WDR72: variants seen among roughly 807,000 people sequenced by gnomAD.
WDR72 encodes the protein WD repeat-containing protein 72.
A neutral mutation model predicts 124.2 loss-of-function variants in WDR72; 120 were observed. That is an observed-to-expected ratio of 0.97 (90% CI 0.83 to 1.12). The LOEUF (loss-of-function observed/expected upper bound fraction) is 1.12, where lower values mean the gene tolerates loss of function less well. Among genes scored for constraint, WDR72 ranks in the 50% most tolerant of loss-of-function variants. WDR72 has a pLI of 0.00. For synonymous variants in WDR72, 452 were observed against 441.7 expected (o/e 1.02, Z -0.29); for missense variants, 1,387 against 1,278.8 (o/e 1.08, Z -1.29).
intron 3 of WDR72, among the ~76,000 whole-genome samples, chr15:53,717,365 A>C (rs1035509510): frequency 3.9e-5 from 6 of 152,194 alleles, no homozygotes; most frequent in African/African-American, 1.4e-4. Flanking sequence ...TTCAGTCTTG[A>C]GAGTTTTAAC....
chr15:53,569,981 C>G, intron 18 of WDR72, among the ~76,000 whole-genome samples: 1 of 151,994 alleles, frequency 6.6e-6, no homozygotes, highest in East Asian at 1.9e-4. Flanking sequence ...AGGTCATAGT[C>G]CATTAAATGC....
chr15:53,665,198 AT>A (rs60292735), intron 14 of WDR72, among the ~76,000 whole-genome samples: 11,343 of 149,440 alleles, frequency 0.076, 1,446 homozygotes, highest in African/African-American at 0.26. Flanking sequence ...AGTTTTTCTG[AT>A]TTTTTTTTTG....
intron 18 of WDR72, among the ~76,000 whole-genome samples, chr15:53,551,877 A>G (rs113870037): frequency 6.6e-6 from 1 of 151,512 alleles, no homozygotes; most frequent in Non-Finnish European, 1.5e-5. Context: ...CACACACACA[A>G]ACACACGCAC....
At chr15:53,708,877 C>G (rs999894407) in intron 9 of WDR72, among the ~76,000 whole-genome samples, 4 of 152,136 alleles carry the variant, frequency 2.6e-5, no homozygotes, top group Non-Finnish European at 5.9e-5. Context: ...CAGCAATTAC[C>G]AGCTGTGATT....
At chr15:53,741,293 A>G (rs2018502262) in intron 1 of WDR72, among the ~76,000 whole-genome samples, 1 of 152,250 alleles carries the variant, frequency 6.6e-6, no homozygotes, top group African/African-American at 2.4e-5. Flanking sequence ...AAAAACCTTT[A>G]TAGCCACAGG....
At chr15:53,678,250 G>T (rs28687640) in intron 13 of WDR72, among the ~76,000 whole-genome samples, 1,605 of 152,256 alleles carry the variant, frequency 0.011, 23 homozygotes, top group African/African-American at 0.038. Context: ...TGCCACCTCT[G>T]AAAATGTATA....
intron 1 of WDR72, among the ~76,000 whole-genome samples, chr15:53,736,060 T>A (rs529469800): frequency 6.6e-6 from 1 of 151,014 alleles, no homozygotes; most frequent in Admixed American, 6.6e-5. Flanking sequence ...TAAAAAAAAA[T>A]GAAAATGTTG....
At chr15:53,637,387 T>C (rs559876174) in intron 14 of WDR72, among the ~76,000 whole-genome samples, 1 of 152,268 alleles carries the variant, frequency 6.6e-6, no homozygotes, top group East Asian at 1.9e-4. Context: ...CCCCAGAACA[T>C]TTTTACTTGT....
intron 11 of WDR72, among the ~76,000 whole-genome samples, chr15:53,702,822 TA>T (rs1372614104): frequency 3.3e-5 from 5 of 152,140 alleles, no homozygotes; most frequent in African/African-American, 1.2e-4. Context: ...CACTGAATAG[TA>T]AACACTGCTC....
intron 1 of WDR72, among the ~76,000 whole-genome samples, chr15:53,735,123 C>T (rs1314725247): frequency 6.6e-6 from 1 of 151,912 alleles, no homozygotes; most frequent in Non-Finnish European, 1.5e-5. Flanking sequence ...GTGAAACTCC[C>T]TCTCTACTAA....
chr15:53,740,307 A>ATTT (rs57166942), intron 1 of WDR72, among the ~76,000 whole-genome samples: 1 of 132,598 alleles, frequency 7.5e-6, no homozygotes, highest in Non-Finnish European at 1.6e-5. Flanking sequence ...GATTCAACTA[A>ATTT]TTTTTTTTTT....
chr15:53,761,837 C>A (rs2447068), upstream of WDR72, among the ~76,000 whole-genome samples: 5,289 of 151,972 alleles, frequency 0.035, 326 homozygotes, highest in African/African-American at 0.12. Context: ...AAAACAAAAA[C>A]CCAAAGCAGA....
At chr15:53,755,757 G>A (rs564032851) in intron 1 of WDR72, among the ~76,000 whole-genome samples, 73 of 152,338 alleles carry the variant, frequency 4.8e-4, no homozygotes, top group African/African-American at 1.8e-3. Context: ...CAGGTAGAGA[G>A]CGCAGCAGAG....
At chr15:53,609,307 C>T (rs2140357860) in intron 17 of WDR72, among the ~76,000 whole-genome samples, 1 of 152,290 alleles carries the variant, frequency 6.6e-6, no homozygotes, top group East Asian at 1.9e-4. Flanking sequence ...CTCCCTCCCT[C>T]AGCCCCGGGC....
At chr15:53,557,391 C>T (rs1334039107) in intron 18 of WDR72, among the ~76,000 whole-genome samples, 1 of 152,020 alleles carries the variant, frequency 6.6e-6, no homozygotes, top group Non-Finnish European at 1.5e-5. Context: ...CAAATGTTGA[C>T]TTATTTTGTG....
At position 53,702,539 on chromosome 15, in the gene WDR72, G is replaced by C. The variant is rs2017216222; in HGVS notation, c.1349-185C>G. On this transcript the variant is annotated intron_variant, in intron 11 of 19. Transcript: ENST00000360509. ...AACAAGTGCCTCACCAGAAGCCAGA[G>C]TATGCTTTTGATGAAGCACTACAGT... is the stretch of plus-strand genomic sequence containing the variant. Among the ~76,000 whole-genome samples the C allele has an allele frequency of 2.0e-5, 3 of 152,190 alleles. No homozygotes were observed. In the South Asian group the frequency reaches 6.2e-4, roughly 31 times the overall value.
At chr15:53,641,793 C>T (rs77940189) in intron 14 of WDR72, among the ~76,000 whole-genome samples, 181 of 151,530 alleles carry the variant, frequency 1.2e-3, no homozygotes, top group African/African-American at 4.3e-3. Context: ...TATATAAGCA[C>T]TTAAGTTTTG....
intron 14 of WDR72, among the ~76,000 whole-genome samples, chr15:53,647,521 C>T (rs183304910): frequency 5.5e-4 from 83 of 152,140 alleles, no homozygotes; most frequent in African/African-American, 1.9e-3. Context: ...TAGAGCCCTA[C>T]AAATTATCTG....
In WDR72 at chr15:53,649,906, A is replaced by C. The variant is rs1406530284; in HGVS notation, c.1962+15666T>G. ...ATGGAGGTTCCTCAAAAAATTAAAAATAGAACTACCATATGGTCCAGCAAT... is the reference window on the plus strand; with the variant it reads ...ATGGAGGTTCCTCAAAAAATTAAAACTAGAACTACCATATGGTCCAGCAAT... On this transcript the variant is annotated intron_variant, in intron 14 of 19. Coordinates refer to ENST00000360509, the MANE Select transcript of WDR72 (RefSeq NM_182758.4). Among the ~76,000 whole-genome samples, 5 of 152,196 alleles carry C rather than the reference A, an allele frequency of 3.3e-5. No homozygotes were observed. In the East Asian group the frequency reaches 9.6e-4, roughly 29 times the overall value.
Sources: gnomAD v4.1 joint callset for allele counts (sites outside exome capture counted in the v4.1 genomes callset) on GRCh38, gnomAD v4.1.1 for gene constraint, MANE v1.5 for transcripts, NCBI Gene and HGNC (gene_info 2026-07-23, HGNC 2026-07-21) for gene names.